The following LRMDA variants were observed in gnomAD, a reference collection of about 807,000 sequenced individuals.
LRMDA encodes the protein leucine rich melanocyte differentiation associated.
In LRMDA, 18 loss-of-function variants were observed where a neutral mutation model predicts 29.8. The ratio of observed to expected loss-of-function variants is 0.60; its 90% CI spans 0.42 to 0.90. LRMDA has a LOEUF of 0.90. Among genes scored for constraint, LRMDA ranks in the 40% least tolerant of loss-of-function variants. LRMDA has a pLI of 0.00. For missense variants in LRMDA, 273 were observed against 273.9 expected, an observed-to-expected ratio of 1.00 and a Z score of 0.02; for synonymous variants, 125 against 109.4, an observed-to-expected ratio of 1.14 and a Z score of -0.89.
intron 2 of LRMDA, among the ~76,000 whole-genome samples, chr10:75,973,102 A>C (rs894497718): frequency 2.0e-5 from 3 of 150,374 alleles, no homozygotes; most frequent in Non-Finnish European, 4.5e-5. Context: ...CTTATGTTCT[A>C]GGCACTGTGC....
chr10:76,521,725 C>T (rs73276710), intron 6 of LRMDA, among the ~76,000 whole-genome samples: 2 of 152,092 alleles, frequency 1.3e-5, no homozygotes, highest in Non-Finnish European at 1.5e-5. Context: ...ACTTGATTCC[C>T]TCAGATATAA....
chr10:75,483,801 C>T (rs1315965797), intron 2 of LRMDA, among the ~76,000 whole-genome samples: 1 of 144,858 alleles, frequency 6.9e-6, no homozygotes, highest in East Asian at 2.0e-4. Flanking sequence ...AATCATTTTG[C>T]TTCTTTCTAA....
chr10:76,533,150 A>AGC, intron 6 of LRMDA, among the ~76,000 whole-genome samples: 2 of 65,208 alleles, frequency 3.1e-5, no homozygotes, highest in South Asian at 1.2e-3. Flanking sequence ...CGAGAGCGAG[A>AGC]GTGAGAGAGA....
At chr10:75,499,729 G>C (rs1308442676) in intron 2 of LRMDA, among the ~76,000 whole-genome samples, 1 of 152,154 alleles carries the variant, frequency 6.6e-6, no homozygotes, top group East Asian at 1.9e-4. Context: ...GTGTGGGGAG[G>C]TGCTCACAAT....
At position 76,559,209 on chromosome 10, in the gene LRMDA, C is replaced by T. The variant is rs954747763; in HGVS notation, c.*1921C>T. ...CCCTGCCTCAAACAATAAAAAAGCA[C>T]TTGTGAACTGACCACAGAATTTTTC... On this transcript the variant is annotated 3_prime_UTR_variant, in exon 7 of 7. Transcript: ENST00000611255. 2.0e-5 allele frequency: 3 copies of T among 152,106 alleles called. No individual in the cohort carries two copies. Among genetic ancestry groups the T allele is most frequent in the Non-Finnish European group, 4.4e-5 (3 of 68,026 alleles). 9.4% of individuals were successfully genotyped at this position (152,106 alleles called of 1,614,324 possible). A position where few individuals can be genotyped will look rare whatever the true frequency, so the allele number is the denominator to read the frequency against.
chr10:76,218,744 G>C (rs1851773709), intron 5 of LRMDA, among the ~76,000 whole-genome samples: 1 of 152,126 alleles, frequency 6.6e-6, no homozygotes, highest in Admixed American at 6.5e-5. Flanking sequence ...TACTTTCCTT[G>C]GTTCTCAGAA....
Position 76,361,439 on chromosome 10 carries a change from G to A in LRMDA, c.601+36954G>A, listed in dbSNP as rs569532273. On this transcript the variant is annotated intron_variant, in intron 6 of 6. Coordinates refer to ENST00000611255, the MANE Select transcript of LRMDA (RefSeq NM_001305581.2). The stretch of plus-strand genomic sequence containing the variant: ...GATAGTATGGGACACGGAGCAAGAA[G>A]ATAATGGAAACAGAGCAACTCTTTA... Among the ~76,000 whole-genome samples the A allele has an allele frequency of 5.9e-5, 9 of 152,188 alleles. No individual in the cohort carries two copies. In the East Asian group the frequency reaches 1.6e-3, roughly 26 times the overall value.
chr10:75,995,235 A>C (rs1564625667), intron 2 of LRMDA, among the ~76,000 whole-genome samples: 1 of 151,880 alleles, frequency 6.6e-6, no homozygotes, highest in Non-Finnish European at 1.5e-5. Context: ...GTAGTTTATG[A>C]CTCTTTCCTG....
intron 2 of LRMDA, among the ~76,000 whole-genome samples, chr10:76,013,070 G>T (rs1385049066): frequency 1.3e-5 from 2 of 152,124 alleles, no homozygotes. Flanking sequence ...CTTTTAATTA[G>T]TACTAATTAC....
intron 2 of LRMDA, among the ~76,000 whole-genome samples, chr10:75,798,617 T>G (rs553191667): frequency 6.6e-6 from 1 of 152,258 alleles, no homozygotes; most frequent in South Asian, 2.1e-4. Context: ...TTTTTTCTCT[T>G]AACTATAATT....
chr10:75,480,369 T>A (rs1227854363), intron 2 of LRMDA, among the ~76,000 whole-genome samples: 1 of 147,666 alleles, frequency 6.8e-6, no homozygotes, highest in Non-Finnish European at 1.5e-5. Flanking sequence ...GATGTCCAGA[T>A]CTCAGGCAGA....
intron 2 of LRMDA, among the ~76,000 whole-genome samples, chr10:75,691,702 A>C (rs1462191966): frequency 6.6e-6 from 1 of 152,202 alleles, no homozygotes; most frequent in East Asian, 1.9e-4. Context: ...CAGCTTCCTC[A>C]TCAAGAAAGC....
chr10:76,021,719 T>G (rs556828353), intron 2 of LRMDA, among the ~76,000 whole-genome samples: 1 of 152,260 alleles, frequency 6.6e-6, no homozygotes, highest in Admixed American at 6.5e-5. Flanking sequence ...CTCTCCAGCT[T>G]TTTCTCTCAC....
At chr10:76,212,914 C>G (rs1173852806) in intron 5 of LRMDA, among the ~76,000 whole-genome samples, 2 of 152,176 alleles carry the variant, frequency 1.3e-5, no homozygotes, top group African/African-American at 4.8e-5. Flanking sequence ...TCCATAAATT[C>G]AGTCCCTTTT....
intron 2 of LRMDA, among the ~76,000 whole-genome samples, chr10:75,512,111 A>G (rs1239642107): frequency 6.6e-6 from 1 of 152,188 alleles, no homozygotes. Context: ...CTACACTTTC[A>G]TCTGTTTGGA....
chr10:75,682,306 T>A (rs565486648), intron 2 of LRMDA, among the ~76,000 whole-genome samples: 1 of 152,162 alleles, frequency 6.6e-6, no homozygotes, highest in East Asian at 1.9e-4. Context: ...AATGAATGAA[T>A]GAACAATGAA....
chr10:75,664,007 G>A (rs1408236684), intron 2 of LRMDA, among the ~76,000 whole-genome samples: 3 of 152,144 alleles, frequency 2.0e-5, no homozygotes, highest in Non-Finnish European at 1.5e-5. Context: ...CTCTTCTCAG[G>A]AACTCTATCA....
chr10:76,489,842 A>G (rs1006033986), intron 6 of LRMDA, among the ~76,000 whole-genome samples: 1 of 151,802 alleles, frequency 6.6e-6, no homozygotes, highest in Non-Finnish European at 1.5e-5. Context: ...ATGTATATAT[A>G]TAGCTTCCCT....
intron 6 of LRMDA, among the ~76,000 whole-genome samples, chr10:76,421,576 A>G (rs1842072116): frequency 6.6e-6 from 1 of 152,168 alleles, no homozygotes; most frequent in South Asian, 2.1e-4. Flanking sequence ...AATAGTCTCA[A>G]TTATGTCTCA....
Sources: gnomAD v4.1 joint callset for allele counts (sites outside exome capture counted in the v4.1 genomes callset) on GRCh38, gnomAD v4.1.1 for gene constraint, MANE v1.5 for transcripts, NCBI Gene and HGNC (gene_info 2026-07-23, HGNC 2026-07-21) for gene names.